Variants in RASGEF1C observed in about 807,000 individuals in gnomAD.
The protein encoded by RASGEF1C is ras-GEF domain-containing family member 1C.
Under a neutral mutation model 58.1 loss-of-function variants are expected in RASGEF1C, and 27 were observed. The ratio of observed to expected loss-of-function variants is 0.46; its 90% CI spans 0.34 to 0.64. The LOEUF (loss-of-function observed/expected upper bound fraction) is 0.64. Ranked by LOEUF, RASGEF1C falls within the 30% of genes least tolerant of loss-of-function variation. The pLI is 0.01. For synonymous variants in RASGEF1C, 243 were observed against 246.3 expected (o/e 0.99, Z 0.13); for missense variants, 502 against 605.1 (o/e 0.83, Z 1.79).
intron 1 of RASGEF1C, among the ~76,000 whole-genome samples, chr5:180,187,545 A>T (rs1479298541): frequency 2.6e-5 from 4 of 152,212 alleles, no homozygotes; most frequent in African/African-American, 9.6e-5. Context: ...ATATTATTTA[A>T]GAGAAATTAA....
intron 1 of RASGEF1C, among the ~76,000 whole-genome samples, chr5:180,190,476 T>C (rs184088405): frequency 0.073 from 6,604 of 90,448 alleles, 735 homozygotes; most frequent in African/African-American, 0.19. Flanking sequence ...GGTGACAGAG[T>C]GAGACTCCGT....
rs1169124134 is a variant in RASGEF1C, at chr5:180,143,959, A to C, written c.-6-5901T>G. The stretch of plus-strand genomic sequence containing the variant: ...GGGACAGAGGTAAAGAAGGCTCCCG[A>C]AGGCCCCTGTGAGGACCACGCGCGT... On this transcript the variant is annotated intron_variant, in intron 1 of 13. Coordinates refer to ENST00000361132, the MANE Select transcript of RASGEF1C (RefSeq NM_175062.4). The surrounding 1 kb of genome is among the most constrained non-coding windows in gnomAD (Gnocchi z 4.3). Among the ~76,000 whole-genome samples the C allele has an allele frequency of 6.6e-6, 1 of 152,152 alleles. No homozygotes were observed. Among genetic ancestry groups the C allele is most frequent in the Middle Eastern group, 3.2e-3 (1 of 316 alleles).
At chr5:180,171,455 C>A (rs1767106833) in intron 1 of RASGEF1C, among the ~76,000 whole-genome samples, 2 of 152,146 alleles carry the variant, frequency 1.3e-5, no homozygotes, top group African/African-American at 4.8e-5. Flanking sequence ...TGACAAGCAC[C>A]CCAGCACCCT....
At chr5:180,192,557 T>TA (rs1756182635) in intron 1 of RASGEF1C, among the ~76,000 whole-genome samples, 1 of 152,110 alleles carries the variant, frequency 6.6e-6, no homozygotes, top group Non-Finnish European at 1.5e-5. Context: ...TATATATAGA[T>TA]CAATTATTTC....
intron 1 of RASGEF1C, among the ~76,000 whole-genome samples, chr5:180,194,574 T>G (rs1756231691): frequency 6.6e-6 from 1 of 152,112 alleles, no homozygotes; most frequent in Non-Finnish European, 1.5e-5. Context: ...AACCACTGAG[T>G]GTACCATTTT....
intron 11 of RASGEF1C, among the ~76,000 whole-genome samples, chr5:180,111,785 G>A (rs1322336565): frequency 2.0e-5 from 3 of 152,184 alleles, no homozygotes; most frequent in African/African-American, 7.2e-5. Flanking sequence ...TTATGTCATT[G>A]TATTTACTTT....
intron 1 of RASGEF1C, among the ~76,000 whole-genome samples, chr5:180,138,574 G>A (rs1288747829): frequency 6.6e-6 from 1 of 152,152 alleles, no homozygotes; most frequent in East Asian, 1.9e-4. Context: ...CAGGAAAGTG[G>A]GCACATTCCT....
At chr5:180,191,670 A>G (rs1756166490) in intron 1 of RASGEF1C, among the ~76,000 whole-genome samples, 1 of 152,182 alleles carries the variant, frequency 6.6e-6, no homozygotes, top group South Asian at 2.1e-4. Flanking sequence ...TGGCTTATTT[A>G]TAAGAGTCTC....
chr5:180,128,107 G>C (rs1766294251), intron 5 of RASGEF1C, among the ~76,000 whole-genome samples: 1 of 152,234 alleles, frequency 6.6e-6, no homozygotes, highest in Non-Finnish European at 1.5e-5. Context: ...TCTGTGTACA[G>C]GGCCTGCCTG....
intron 1 of RASGEF1C, among the ~76,000 whole-genome samples, chr5:180,206,042 C>T (rs1008645863): frequency 6.6e-6 from 1 of 152,092 alleles, no homozygotes; most frequent in Admixed American, 6.6e-5. Context: ...GCCCTCCTTG[C>T]CTTTAAATAT....
rs1327852167 is a variant in RASGEF1C, at chr5:180,137,838, G to A, written c.177+38C>T. 3 of 1,605,836 alleles carry A rather than the reference G, an allele frequency of 1.9e-6. No individual in the cohort carries two copies. The highest frequency in any genetic ancestry group is 2.5e-6 in the Non-Finnish European group (3 of 1,176,748). On this transcript the variant is annotated intron_variant, in intron 2 of 13. Coordinates refer to ENST00000361132, the MANE Select transcript of RASGEF1C (RefSeq NM_175062.4). The surrounding 1 kb of genome is among the most constrained non-coding windows in gnomAD (Gnocchi z 4.1). ...CTGATGCCCCCCGTGCGTGGTGGAG[G>A]AGAGCCCACTCTCCTGCCCGCTGGG...
Position 180,137,798 on chromosome 5 carries a change from AG to A in RASGEF1C, c.177+77del, listed in dbSNP as rs1766509427. ...CCAGCTGGCCCTGTACCCTGGCCCA[AG>A]GTCACGCCCAACCCTGATGCCCCCC... On this transcript the variant is annotated intron_variant, in intron 2 of 13. Transcript: ENST00000361132. The surrounding 1 kb of genome is among the most constrained non-coding windows in gnomAD (Gnocchi z 4.1). 6.2e-7 allele frequency: 1 copy of A among 1,602,732 alleles called. No individual in the cohort carries two copies. Among genetic ancestry groups the A allele is most frequent in the African/African-American group, 1.3e-5 (1 of 74,820 alleles).
At chr5:180,113,762 C>CGGGGATGGACGGAGGGATT (rs1766014912) in intron 11 of RASGEF1C, among the ~76,000 whole-genome samples, 1 of 150,312 alleles carries the variant, frequency 6.7e-6, no homozygotes. Flanking sequence ...ACGGAGGGAC[C>CGGGGATGGACGGAGGGATT]GGGGATGGAC....
Position 180,137,939 on chromosome 5 carries a change from T to G in RASGEF1C, c.114A>C (p.Pro38=), listed in dbSNP as rs2113279314. The G allele has an allele frequency of 6.2e-7, 1 of 1,612,830 alleles. No homozygotes were observed. The highest frequency in any genetic ancestry group is 2.2e-5 in the East Asian group (1 of 44,824). Residue 38 remains proline (P), a synonymous_variant, in exon 2 of 14, where the codon CCA becomes CCC. Coordinates refer to ENST00000361132, the MANE Select transcript of RASGEF1C (RefSeq NM_175062.4). This position sits in a 1 kb window ranked among gnomAD's most constrained non-coding sequence, Gnocchi z 4.1. The part of the protein sequence containing the change: ...QAGQPLLDGA[P]SSASLETLIQ... ...TCAGTGTTTCCAGGGAGGCTGAGGATGGCGCTCCATCCAGGAGGGGCTGCC... is the reference window on the plus strand; with the variant it reads ...TCAGTGTTTCCAGGGAGGCTGAGGAGGGCGCTCCATCCAGGAGGGGCTGCC...
chr5:180,128,526 C>A lies in RASGEF1C; in HGVS notation c.523G>T (p.Gly175Cys). ...ALRQGPEGLV[G>C]ADKPISYRTK... Reference sequence around the variant, plus strand: ...CTGTAGGAGATGGGCTTGTCGGCACCCACCAGACCTTCTGGCCCCTGGCGC... The same window carrying A: ...CTGTAGGAGATGGGCTTGTCGGCACACACCAGACCTTCTGGCCCCTGGCGC... Residue 175 changes from glycine (G) to cysteine (C), a missense_variant, in exon 5 of 14, where the codon GGT becomes TGT. Physicochemically the swap from Gly to Cys is radical, Grantham distance 159 (BLOSUM62 -3). Transcript: ENST00000361132. The A allele has an allele frequency of 6.2e-7, 1 of 1,614,134 alleles. No homozygotes were observed. The highest frequency in any genetic ancestry group is 8.5e-7 in the Non-Finnish European group (1 of 1,180,018).
At chr5:180,161,262 TG>T (rs980607700) in intron 1 of RASGEF1C, among the ~76,000 whole-genome samples, 7 of 152,248 alleles carry the variant, frequency 4.6e-5, no homozygotes, top group Admixed American at 4.6e-4. Context: ...CCTGAGGACG[TG>T]GGCTGCAGTG....
rs541923365 is a variant in RASGEF1C at position 180,177,605 on chromosome 5, G to A, written c.-7+31423C>T. ...CCCATTTGTCCTTCCTCTCCTGCCC[G>A]TGGTAGGAGGACATGGCCCTGGTGC... On this transcript the variant is annotated intron_variant, in intron 1 of 13. Coordinates refer to ENST00000361132, the MANE Select transcript of RASGEF1C (RefSeq NM_175062.4). This position sits in a 1 kb window ranked among gnomAD's most constrained non-coding sequence, Gnocchi z 5.0. Among the ~76,000 whole-genome samples the A allele has an allele frequency of 4.0e-5, 6 of 149,980 alleles. No homozygotes were observed. Among genetic ancestry groups the A allele is most frequent in the African/African-American group, 1.3e-4 (5 of 39,328 alleles).
Position 180,169,178 on chromosome 5 carries a change from G to A in RASGEF1C, c.-6-31120C>T, listed in dbSNP as rs148346539. On this transcript the variant is annotated intron_variant, in intron 1 of 13. Transcript: ENST00000361132. ...ATGTTTATGGTCACTTTCTATTTAC[G>A]GGAAGTGATACTGATGATTTAGGTA... Among the ~76,000 whole-genome samples the A allele has an allele frequency of 4.3e-3, 650 of 152,166 alleles. 2 individuals are homozygous for A. The highest frequency in any genetic ancestry group is 0.015 in the African/African-American group (614 of 41,508).
Position 180,137,948 on chromosome 5 carries a change from A to T in RASGEF1C, c.105T>A (p.Asp35Glu). ...DGEQAGQPLL[D>E]GAPSSASLET... ...CCAGGGAGGCTGAGGATGGCGCTCC[A>T]TCCAGGAGGGGCTGCCCAGCCTGTT... is the stretch of plus-strand genomic sequence containing the variant. Residue 35 changes from aspartate to glutamate, a missense_variant, in exon 2 of 14, where the codon GAT becomes GAA. By Grantham distance (45) the Asp-to-Glu change is conservative. Coordinates refer to ENST00000361132, the MANE Select transcript of RASGEF1C (RefSeq NM_175062.4). This position sits in a 1 kb window ranked among gnomAD's most constrained non-coding sequence, Gnocchi z 4.1. 2 of 1,612,248 alleles carry T rather than the reference A, an allele frequency of 1.2e-6. No individual in the cohort carries two copies. Among genetic ancestry groups the T allele is most frequent in the African/African-American group, 2.7e-5 (2 of 74,858 alleles).
Sources: allele counts gnomAD v4.1 joint callset (sites outside exome capture counted in the v4.1 genomes callset), GRCh38; gene constraint gnomAD v4.1.1; non-coding constraint Gnocchi (gnomAD v3.1); transcripts MANE v1.5; gene names NCBI Gene and HGNC (gene_info 2026-07-23, HGNC 2026-07-21).